CDRT4: variants seen among roughly 807,000 people sequenced by gnomAD.
CDRT4 encodes CMT1A duplicated region transcript 4, also known as CMT1A duplicated region transcript 4 protein.
For synonymous variants in CDRT4, 64 were observed against 69.6 expected (o/e 0.92, Z 0.40); for missense variants, 167 against 193.1 (o/e 0.87, Z 0.80).
chr17:15,445,740 TG>T (rs756688028), intron 2 of CDRT4, among the ~76,000 whole-genome samples: 2 of 152,180 alleles, frequency 1.3e-5, no homozygotes, highest in Admixed American at 6.5e-5. Flanking sequence ...AAAGCTCCAC[TG>T]GAAACAAGAC....
intron 1 of CDRT4, among the ~76,000 whole-genome samples, chr17:15,455,826 T>C (rs1783765479): frequency 6.6e-6 from 1 of 152,214 alleles, no homozygotes; most frequent in Non-Finnish European, 1.5e-5. Flanking sequence ...AGCCTTCAGA[T>C]GAGACCACAT....
chr17:15,458,066 C>A (rs1261492192), intron 1 of CDRT4, among the ~76,000 whole-genome samples: 1 of 152,176 alleles, frequency 6.6e-6, no homozygotes, highest in Non-Finnish European at 1.5e-5. Flanking sequence ...GCTCTGTGTG[C>A]AGGGCAAGGG....
chr17:15,444,023 C>T (rs2954771), intron 2 of CDRT4: 114,552 of 808,964 alleles, frequency 0.14, 16,016 homozygotes, highest in East Asian at 0.46. Context: ...CAAGTGTTGC[C>T]TGTTCAGTAT....
intron 2 of CDRT4, among the ~76,000 whole-genome samples, chr17:15,452,291 T>C (rs1979297579): frequency 6.6e-6 from 1 of 152,232 alleles, no homozygotes. Context: ...GAATGATACA[T>C]GTCCCAGTAG....
Position 15,436,109 on chromosome 17 carries a change from C to T in CDRT4, c.*1664G>A, listed in dbSNP as rs1978472185. The T allele has an allele frequency of 6.6e-6, 1 of 152,170 alleles. No homozygotes were observed. The highest frequency in any genetic ancestry group is 2.4e-5 in the African/African-American group (1 of 41,436). The allele number at this position is 152,170 out of a possible 1,614,324, so 9.4% of individuals were successfully genotyped here. A position where few individuals can be genotyped will look rare whatever the true frequency, so the allele number is the denominator to read the frequency against. ...ATCATTCAAATTCCCTGGAAACCAC[C>T]TATATTTTTCGAAGAATTCATTCTG... On this transcript the variant is annotated 3_prime_UTR_variant, in exon 4 of 4. Transcript: ENST00000619038.
chr17:15,445,220 TCTC>T (rs1398515690), intron 2 of CDRT4, among the ~76,000 whole-genome samples: 9 of 152,008 alleles, frequency 5.9e-5, no homozygotes, highest in African/African-American at 1.9e-4. Context: ...TGCAAGAATC[TCTC>T]CTCAAGATGT....
At chr17:15,452,200 GCT>G (rs1381895056) in intron 2 of CDRT4, among the ~76,000 whole-genome samples, 1 of 152,218 alleles carries the variant, frequency 6.6e-6, no homozygotes, top group East Asian at 1.9e-4. Context: ...TCCTAGCACT[GCT>G]CTTTACTGCT....
At chr17:15,461,101 T>C (rs1223046389) in intron 1 of CDRT4, among the ~76,000 whole-genome samples, 1 of 152,236 alleles carries the variant, frequency 6.6e-6, no homozygotes, top group East Asian at 1.9e-4. Context: ...TCACATCACC[T>C]TGTTCTGTTT....
In CDRT4 at chr17:15,438,108, T is replaced by G; in HGVS notation, c.124A>C (p.Arg42=). 6.2e-7 allele frequency: 1 copy of G among 1,614,176 alleles called. No individual in the cohort carries two copies. Among genetic ancestry groups the G allele is most frequent in the Non-Finnish European group, 8.5e-7 (1 of 1,180,020 alleles). Residue 42 remains arginine, a synonymous_variant, in exon 4 of 4, where the codon AGA becomes CGA. Transcript: ENST00000619038. The part of the protein sequence containing the change: ...YVTYTSQTVK[R]LIEKSKTREL... ...CTAGTTTTGCTTTTCTCAATGAGTC[T>G]TTTCACTGTCTGAGAGGTATAGGTG...
rs774381341 is a variant in CDRT4, at chr17:15,437,813, C to A, written c.419G>T (p.Arg140Leu). The A allele has an allele frequency of 1.1e-5, 18 of 1,614,128 alleles. No individual in the cohort carries two copies. The highest frequency in any genetic ancestry group is 2.2e-5 in the East Asian group (1 of 44,874). ...TENYNKIIFA[R>L]KPMMRMLPTV... ...AGGGAGCATCCTCATCATAGGCTTG[C>A]GGGCAAAGATGATCTTGTTATAGTT... The change falls in exon 4 of 4, where the codon CGC becomes CTC. Residue 140 changes from arginine (R) to leucine (L), a missense_variant. By Grantham distance (102) the Arg-to-Leu change is moderately radical. Transcript: ENST00000619038.
rs1297594145 is a variant in CDRT4, at chr17:15,436,100, G to A, written c.*1673C>T. 2.0e-5 allele frequency: 3 copies of A among 152,148 alleles called. No homozygotes were observed. Among genetic ancestry groups the A allele is most frequent in the Non-Finnish European group, 4.4e-5 (3 of 68,026 alleles). The allele number at this position is 152,148 out of a possible 1,614,324, so 9.4% of individuals were successfully genotyped here. A position where few individuals can be genotyped will look rare whatever the true frequency, so the allele number is the denominator to read the frequency against. On this transcript the variant is annotated 3_prime_UTR_variant, in exon 4 of 4. Transcript: ENST00000619038. ...CAAAATACAATCATTCAAATTCCCT[G>A]GAAACCACCTATATTTTTCGAAGAA...
chr17:15,462,321 G>A lies in CDRT4; in HGVS notation c.-130+5139C>T, dbSNP rs373922704. Among the ~76,000 whole-genome samples the A allele has an allele frequency of 1.7e-3, 262 of 151,460 alleles. 1 individual carries two copies. The highest frequency in any genetic ancestry group is 5.9e-3 in the African/African-American group (242 of 41,232). On this transcript the variant is annotated intron_variant, in intron 1 of 3. Coordinates refer to ENST00000619038, the MANE Select transcript of CDRT4 (RefSeq NM_001204477.2). ...CGGGCACCTGTAGTCCCAGCTACTCGGGAGGCTGAGTCAGGAGAATGGCGT... is the reference window on the plus strand; with the variant it reads ...CGGGCACCTGTAGTCCCAGCTACTCAGGAGGCTGAGTCAGGAGAATGGCGT...
rs760033711 is a variant in CDRT4, at chr17:15,437,913, C to T, written c.319G>A (p.Val107Ile). Residue 107 changes from valine (V) to isoleucine (I), a missense_variant, in exon 4 of 4, where the codon GTA becomes ATA. Coordinates refer to ENST00000619038, the MANE Select transcript of CDRT4 (RefSeq NM_001204477.2). ...ATCATGGTAGGAGCCATGGCCAATACCGAATAAGCGCCCCACATTGATAAC... is the reference window on the plus strand; with the variant it reads ...ATCATGGTAGGAGCCATGGCCAATATCGAATAAGCGCCCCACATTGATAAC... ...STLSMWGAYS[V>I]LAMAPTMIPE... 19 of 1,614,048 alleles carry T rather than the reference C, an allele frequency of 1.2e-5. No individual in the cohort carries two copies. The African/African-American group carries it at 2.3e-4, about 19-fold the overall frequency.
intron 3 of CDRT4, among the ~76,000 whole-genome samples, 155 bp downstream of exon 3, chr17:15,440,053 C>T (rs925759956): frequency 1.3e-5 from 2 of 151,494 alleles, no homozygotes; most frequent in African/African-American, 2.4e-5. Flanking sequence ...CAAACCTGCA[C>T]GTTGTGCACA....
chr17:15,442,003 C>G (rs956314721), intron 2 of CDRT4, among the ~76,000 whole-genome samples: 1 of 152,174 alleles, frequency 6.6e-6, no homozygotes, highest in Non-Finnish European at 1.5e-5. Context: ...TCTAAAGTCA[C>G]CCATTCCAAG....
intron 2 of CDRT4, among the ~76,000 whole-genome samples, chr17:15,448,066 G>A (rs1044828264): frequency 3.3e-5 from 5 of 152,162 alleles, no homozygotes; most frequent in Non-Finnish European, 5.9e-5. Context: ...GTCCTGCTCC[G>A]TTGAAACAAT....
chr17:15,443,773 C>CTTT (rs1978886457), intron 2 of CDRT4: 1 of 510,682 alleles, frequency 2.0e-6, no homozygotes, highest in Non-Finnish European at 3.8e-6. Context: ...TCTTCTCGGA[C>CTTT]AGAAAACAAA....
At chr17:15,441,722 C>T (rs991714576) in intron 2 of CDRT4, among the ~76,000 whole-genome samples, 11 of 152,248 alleles carry the variant, frequency 7.2e-5, no homozygotes, top group East Asian at 3.9e-4. Flanking sequence ...GATGGCATCC[C>T]GGAGATTCAT....
chr17:15,458,367 C>G (rs1281680185), intron 1 of CDRT4, among the ~76,000 whole-genome samples: 2 of 152,164 alleles, frequency 1.3e-5, no homozygotes, highest in Non-Finnish European at 2.9e-5. Flanking sequence ...CATGAAGATG[C>G]AGGCCTGAAC....
Sources: gnomAD v4.1 joint callset for allele counts (sites outside exome capture counted in the v4.1 genomes callset) on GRCh38, gnomAD v4.1.1 for gene constraint, MANE v1.5 for transcripts, NCBI Gene and HGNC (gene_info 2026-07-23, HGNC 2026-07-21) for gene names.